The following ESR1 variants were observed in gnomAD, a reference collection of about 807,000 sequenced individuals.
ESR1 encodes estrogen receptor 1, also known as estrogen receptor.
In ESR1, 12 loss-of-function variants were observed where a neutral mutation model predicts 52.7. The ratio of observed to expected loss-of-function variants is 0.23; its 90% CI spans 0.15 to 0.37. The LOEUF (loss-of-function observed/expected upper bound fraction) is 0.37. Ranked by LOEUF, ESR1 falls within the 10% of genes least tolerant of loss-of-function variation. The pLI, the probability that ESR1 is intolerant of heterozygous loss-of-function variation, is 1.00. For synonymous variants in ESR1, 305 were observed against 316.8 expected, an observed-to-expected ratio of 0.96 and a Z score of 0.39; for missense variants, 584 against 779.7, an observed-to-expected ratio of 0.75 and a Z score of 2.99.
chr6:152,097,490 T>C (rs1026684582), intron 7 of ESR1, among the ~76,000 whole-genome samples: 5 of 152,144 alleles, frequency 3.3e-5, no homozygotes, highest in African/African-American at 1.2e-4. Context: ...ATGGCAAGTC[T>C]CCAACTTGAG....
At position 151,975,462 on chromosome 6, in the gene ESR1, A is replaced by G. The variant is rs574181626; in HGVS notation, c.1096+30954A>G. Reference sequence around the variant, plus strand: ...GATCAATTGATTGGTCAATCAATCAATCAAGACAAAAAGAGATTCATCTGG... The same window carrying G: ...GATCAATTGATTGGTCAATCAATCAGTCAAGACAAAAAGAGATTCATCTGG... On this transcript the variant is annotated intron_variant, in intron 4 of 7. Coordinates refer to ENST00000206249, the MANE Select transcript of ESR1 (RefSeq NM_000125.4). 9.9e-5 allele frequency among the ~76,000 whole-genome samples: 15 copies of G among 152,258 alleles called. No homozygotes were observed. In the South Asian group the frequency reaches 1.7e-3, roughly 17 times the overall value.
Position 152,102,152 on chromosome 6 carries a change from C to A in ESR1, c.*3186C>A. 1 of 209,742 alleles carries A rather than the reference C, an allele frequency of 4.8e-6. No individual in the cohort carries two copies. The highest frequency in any genetic ancestry group is 1.9e-4 in the South Asian group (1 of 5,288). The allele number at this position is 209,742 out of a possible 1,614,324, so 13.0% of individuals were successfully genotyped here. A position where few individuals can be genotyped will look rare whatever the true frequency, so the allele number is the denominator to read the frequency against. ...TAGTAACCTTGCAGATATGTTTAACCAAGCCATAGCCCATGCCTTTTGAGG... is the reference window on the plus strand; with the variant it reads ...TAGTAACCTTGCAGATATGTTTAACAAAGCCATAGCCCATGCCTTTTGAGG... On this transcript the variant is annotated 3_prime_UTR_variant, in exon 8 of 8. Coordinates refer to ENST00000206249, the MANE Select transcript of ESR1 (RefSeq NM_000125.4).
chr6:151,767,768 C>G (rs1480130820), intron 2 of ESR1, among the ~76,000 whole-genome samples: 1 of 152,180 alleles, frequency 6.6e-6, no homozygotes, highest in Admixed American at 6.5e-5. Flanking sequence ...ATGCTAAGGT[C>G]TAGTGGCTCC....
chr6:151,813,619 TA>T (rs1342756309), intron 1 of ESR1: 3 of 152,186 alleles, frequency 2.0e-5, no homozygotes, highest in African/African-American at 7.2e-5. Context: ...ACAAAAAATT[TA>T]AAAGAACCCA....
At chr6:151,990,556 A>G (rs975107283) in intron 4 of ESR1, among the ~76,000 whole-genome samples, 2 of 152,078 alleles carry the variant, frequency 1.3e-5, no homozygotes, top group African/African-American at 4.8e-5. Context: ...CTTGACCTGG[A>G]CCTGGAACAT....
intron 6 of ESR1, chr6:152,122,450 G>A (rs2051612400): frequency 1.9e-6 from 3 of 1,614,044 alleles, no homozygotes; most frequent in Admixed American, 1.7e-5. Flanking sequence ...AGTGGAGGAG[G>A]GCCATTCGTG....
At chr6:151,832,615 T>C (rs529967229) in intron 1 of ESR1, among the ~76,000 whole-genome samples, 1 of 152,334 alleles carries the variant, frequency 6.6e-6, no homozygotes, top group East Asian at 1.9e-4. Context: ...GAATACATTC[T>C]TCTGTCAGAG....
At chr6:151,726,940 G>T (rs187775676) in intron 2 of ESR1, among the ~76,000 whole-genome samples, 8 of 152,090 alleles carry the variant, frequency 5.3e-5, no homozygotes, top group African/African-American at 1.4e-4. Flanking sequence ...ACTCCTGATC[G>T]CAGGGCAGCA....
At chr6:151,723,916 A>G (rs1781647514) in intron 2 of ESR1, among the ~76,000 whole-genome samples, 1 of 152,138 alleles carries the variant, frequency 6.6e-6, no homozygotes, top group Admixed American at 6.5e-5. Context: ...CCCTAAATCT[A>G]TAAAATTTTC....
At chr6:152,015,981 C>T (rs888656992) in intron 5 of ESR1, among the ~76,000 whole-genome samples, 6 of 152,082 alleles carry the variant, frequency 3.9e-5, no homozygotes, top group Non-Finnish European at 8.8e-5. Context: ...CAAATTTCAC[C>T]TTTAATTGTA....
At chr6:151,911,583 C>T (rs1330006351) in intron 3 of ESR1, among the ~76,000 whole-genome samples, 1 of 152,180 alleles carries the variant, frequency 6.6e-6, no homozygotes, top group Non-Finnish European at 1.5e-5. Context: ...ATTTTGTAAC[C>T]TGCTCTGACT....
intron 2 of ESR1, among the ~76,000 whole-genome samples, chr6:151,728,448 T>C (rs569257472): frequency 6.6e-6 from 1 of 152,226 alleles, no homozygotes; most frequent in Non-Finnish European, 1.5e-5. Flanking sequence ...CTGAGTAGTC[T>C]AGTGTTGTAG....
intron 4 of ESR1, among the ~76,000 whole-genome samples, chr6:151,976,192 A>G (rs2039420409): frequency 6.6e-6 from 1 of 152,168 alleles, no homozygotes; most frequent in Non-Finnish European, 1.5e-5. Context: ...CTTTCATTAA[A>G]AAACAAATCT....
At chr6:151,815,593 ATCTC>A (rs1365227559) in intron 1 of ESR1, among the ~76,000 whole-genome samples, 1 of 152,196 alleles carries the variant, frequency 6.6e-6, no homozygotes, top group African/African-American at 2.4e-5. Context: ...AAGTTTGTGA[ATCTC>A]TCTTTCTCAG....
chr6:152,028,583 A>G (rs1005905632), intron 5 of ESR1, among the ~76,000 whole-genome samples: 1 of 152,194 alleles, frequency 6.6e-6, no homozygotes, highest in Non-Finnish European at 1.5e-5. Context: ...GCAAGGTGCA[A>G]GCGAGGCTAG....
chr6:151,860,424 C>A (rs574226267), intron 2 of ESR1, among the ~76,000 whole-genome samples: 1 of 152,218 alleles, frequency 6.6e-6, no homozygotes, highest in East Asian at 1.9e-4. Flanking sequence ...CTATTTTCTC[C>A]ACTATTCCAT....
intron 2 of ESR1, among the ~76,000 whole-genome samples, chr6:151,870,027 C>T (rs1476329375): frequency 6.6e-6 from 1 of 152,296 alleles, no homozygotes; most frequent in East Asian, 1.9e-4. Context: ...TTCACTGAGA[C>T]AGCCAAATCC....
intron 1 of ESR1, among the ~76,000 whole-genome samples, chr6:151,842,075 A>G (rs1357808837): frequency 1.3e-5 from 2 of 152,190 alleles, no homozygotes; most frequent in African/African-American, 4.8e-5. Flanking sequence ...TTCAAATTAC[A>G]TTATTCAAGT....
intron 1 of ESR1, among the ~76,000 whole-genome samples, chr6:151,835,261 T>C (rs1410537238): frequency 2.0e-5 from 3 of 152,150 alleles, no homozygotes; most frequent in Admixed American, 6.5e-5. Context: ...TTGAGGTTTC[T>C]TTGGTTTGTT....
Sources: gnomAD v4.1 joint callset for allele counts (sites outside exome capture counted in the v4.1 genomes callset) on GRCh38, gnomAD v4.1.1 for gene constraint, MANE v1.5 for transcripts, NCBI Gene and HGNC (gene_info 2026-07-23, HGNC 2026-07-21) for gene names.